MAPKAP1: variants seen among roughly 807,000 people sequenced by gnomAD.
MAPKAP1 encodes MAPK associated protein 1, also known as target of rapamycin complex 2 subunit MAPKAP1.
In MAPKAP1, 20 loss-of-function variants were observed where a neutral mutation model predicts 65.7. The observed-to-expected ratio is 0.30, with a 90% CI of 0.21 to 0.44. The LOEUF (loss-of-function observed/expected upper bound fraction) is 0.44. Ranked by LOEUF, MAPKAP1 falls within the 20% of genes least tolerant of loss-of-function variation. The pLI is 1.00. For synonymous variants in MAPKAP1, 222 were observed against 244.3 expected, an observed-to-expected ratio of 0.91 and a Z score of 0.85; for missense variants, 423 against 648.0, an observed-to-expected ratio of 0.65 and a Z score of 3.77.
intron 1 of MAPKAP1, among the ~76,000 whole-genome samples, chr9:125,698,278 AATATATATAAAT>A (rs1392037123): frequency 2.7e-3 from 72 of 26,592 alleles, no homozygotes; most frequent in South Asian, 8.8e-3. Context: ...TATAATACAT[AATATATATAAAT>A]ATATATATAT....
intron 6 of MAPKAP1, among the ~76,000 whole-genome samples, chr9:125,552,629 T>G (rs1009527932): frequency 6.6e-6 from 1 of 152,182 alleles, no homozygotes; most frequent in South Asian, 2.1e-4. Flanking sequence ...TTATTCCCAC[T>G]GAGAATCCCT....
intron 4 of MAPKAP1, among the ~76,000 whole-genome samples, chr9:125,628,106 T>A (rs1270189273): frequency 6.6e-6 from 1 of 152,142 alleles, no homozygotes; most frequent in Non-Finnish European, 1.5e-5. Context: ...AAAGGACATA[T>A]AAATATATAA....
chr9:125,675,209 T>C (rs1588062509), intron 1 of MAPKAP1, among the ~76,000 whole-genome samples: 1 of 152,186 alleles, frequency 6.6e-6, no homozygotes, highest in Admixed American at 6.5e-5. Flanking sequence ...AAATTCATAC[T>C]GAATAGTTCT....
Position 125,595,804 on chromosome 9 carries a change from G to T in MAPKAP1, c.499-10077C>A. 1 of 1,150,352 alleles carries T rather than the reference G, an allele frequency of 8.7e-7. No homozygotes were observed. Among genetic ancestry groups the T allele is most frequent in the Non-Finnish European group, 1.3e-6 (1 of 773,964 alleles). The allele number at this position is 1,150,352 out of a possible 1,614,324, so 71.3% of individuals were successfully genotyped here. A position where few individuals can be genotyped will look rare whatever the true frequency, so the allele number is the denominator to read the frequency against. Reference sequence around the variant, plus strand: ...GAACGCTCCCAGACTGTGTGGTAATGAAAGATTCCAACACCAAGCGTTCCG... The same window carrying T: ...GAACGCTCCCAGACTGTGTGGTAATTAAAGATTCCAACACCAAGCGTTCCG... On this transcript the variant is annotated intron_variant, in intron 4 of 11. Transcript: ENST00000265960. The surrounding 1 kb of genome is among the most constrained non-coding windows in gnomAD (Gnocchi z 4.0).
intron 1 of MAPKAP1, among the ~76,000 whole-genome samples, chr9:125,673,593 T>C (rs1239809854): frequency 6.6e-6 from 1 of 152,076 alleles, no homozygotes; most frequent in Admixed American, 6.6e-5. Context: ...TTTTAGAAAC[T>C]TAATTATAAA....
Position 125,533,745 on chromosome 9 carries a change from G to C in MAPKAP1, c.958+9314C>G, listed in dbSNP as rs112740917. Among the ~76,000 whole-genome samples the C allele has an allele frequency of 2.7e-3, 418 of 152,232 alleles. 2 individuals are homozygous for C. Among genetic ancestry groups the C allele is most frequent in the African/African-American group, 9.5e-3 (394 of 41,534 alleles). ...ATTACAGGTGTGAGCCACTACGCTC[G>C]GCCAGGCATAAACTTTTTGAAAGGC... On this transcript the variant is annotated intron_variant, in intron 7 of 11. Coordinates refer to ENST00000265960, the MANE Select transcript of MAPKAP1 (RefSeq NM_001006617.3).
intron 6 of MAPKAP1, among the ~76,000 whole-genome samples, chr9:125,554,072 G>A (rs529305781): frequency 2.6e-5 from 4 of 152,238 alleles, no homozygotes; most frequent in Admixed American, 2.0e-4. Context: ...ATAACGTGGC[G>A]AGATTTGGGG....
chr9:125,482,131 T>TAAAAAA (rs1554808939), intron 9 of MAPKAP1, among the ~76,000 whole-genome samples: 2 of 99,092 alleles, frequency 2.0e-5, no homozygotes, highest in African/African-American at 9.2e-5. Flanking sequence ...AAACTCTGTC[T>TAAAAAA]AAAAAAAAAA....
chr9:125,575,161 A>C (rs1447056585), intron 5 of MAPKAP1, among the ~76,000 whole-genome samples: 1 of 152,226 alleles, frequency 6.6e-6, no homozygotes, highest in African/African-American at 2.4e-5. Context: ...AGACCACCCA[A>C]GGCAACAAAG....
rs1834516791 is a variant in MAPKAP1, at chr9:125,672,178, C to T, written c.259+138G>A. 5 of 894,158 alleles carry T rather than the reference C, an allele frequency of 5.6e-6. 1 individual carries two copies. The highest frequency in any genetic ancestry group is 1.7e-5 in the African/African-American group (1 of 59,642). The allele number at this position is 894,158 out of a possible 1,614,324, so 55.4% of individuals were successfully genotyped here. ...GAGATGGAGATGTTGCTCAGACTCA[C>T]TCTTAGTCTGACATATGCATGTTCC... On this transcript the variant is annotated intron_variant, in intron 2 of 11. Coordinates refer to ENST00000265960, the MANE Select transcript of MAPKAP1 (RefSeq NM_001006617.3).
chr9:125,651,734 G>C (rs963981436), intron 4 of MAPKAP1, among the ~76,000 whole-genome samples: 1 of 152,204 alleles, frequency 6.6e-6, no homozygotes, highest in Non-Finnish European at 1.5e-5. Context: ...AAGCCCTGGA[G>C]AACTCTTACT....
chr9:125,439,078 G>C lies in MAPKAP1; in HGVS notation c.1444-66C>G. 1.3e-6 allele frequency: 2 copies of C among 1,583,004 alleles called. No individual in the cohort carries two copies. Among genetic ancestry groups the C allele is most frequent in the Non-Finnish European group, 1.7e-6 (2 of 1,162,974 alleles). Reference sequence around the variant, plus strand: ...CTCCCTACCCACCCAGGGCATCGGAGGGGGTGGCAGGGAAGGCCCTGACCT... The same window carrying C: ...CTCCCTACCCACCCAGGGCATCGGACGGGGTGGCAGGGAAGGCCCTGACCT... On this transcript the variant is annotated intron_variant, in intron 11 of 11. Transcript: ENST00000265960. The surrounding 1 kb of genome is among the most constrained non-coding windows in gnomAD (Gnocchi z 4.0).
At chr9:125,608,485 C>T (rs1246414889) in intron 4 of MAPKAP1, among the ~76,000 whole-genome samples, 2 of 152,206 alleles carry the variant, frequency 1.3e-5, no homozygotes, top group Non-Finnish European at 2.9e-5. Context: ...AAAGCCATCA[C>T]ATTTGCATTT....
intron 1 of MAPKAP1, among the ~76,000 whole-genome samples, chr9:125,699,781 C>G (rs936322763): frequency 4.6e-5 from 7 of 151,958 alleles, no homozygotes; most frequent in Non-Finnish European, 8.8e-5. Context: ...GCCACCATGC[C>G]TGGCTAATAT....
At chr9:125,441,208 G>A (rs532712591) in intron 11 of MAPKAP1, among the ~76,000 whole-genome samples, 5 of 152,268 alleles carry the variant, frequency 3.3e-5, no homozygotes, top group South Asian at 4.1e-4. Flanking sequence ...ACTCAATCAC[G>A]AGAAGAACCT....
At chr9:125,454,329 T>G (rs1266034852) in intron 10 of MAPKAP1, among the ~76,000 whole-genome samples, 4 of 152,222 alleles carry the variant, frequency 2.6e-5, no homozygotes. Flanking sequence ...ATCCGGGAAT[T>G]TCCTCCTTGG....
intron 1 of MAPKAP1, among the ~76,000 whole-genome samples, chr9:125,692,395 A>T (rs1835196315): frequency 1.3e-5 from 2 of 152,242 alleles, no homozygotes; most frequent in African/African-American, 4.8e-5. Context: ...ATTACATTAT[A>T]TCAAAGGCCA....
chr9:125,701,406 C>T lies in MAPKAP1; in HGVS notation c.-70+5565G>A, dbSNP rs149840223. Among the ~76,000 whole-genome samples the T allele has an allele frequency of 5.3e-5, 8 of 152,210 alleles. No individual in the cohort carries two copies. The East Asian group carries it at 1.2e-3, about 22-fold the overall frequency. On this transcript the variant is annotated intron_variant, in intron 1 of 11. Transcript: ENST00000265960. Reference sequence around the variant, plus strand: ...ATTTATCCAAAAAGGAAAAAAGATCCGAGGATTTGTAAGTGACGTGACCAA... The same window carrying T: ...ATTTATCCAAAAAGGAAAAAAGATCTGAGGATTTGTAAGTGACGTGACCAA...
At chr9:125,705,848 G>T (rs1677903044) in intron 1 of MAPKAP1, among the ~76,000 whole-genome samples, 1 of 152,076 alleles carries the variant, frequency 6.6e-6, no homozygotes, top group Non-Finnish European at 1.5e-5. Flanking sequence ...GAATAGGAAA[G>T]AACAAAAATG....
Sources: allele counts gnomAD v4.1 joint callset (sites outside exome capture counted in the v4.1 genomes callset), GRCh38; gene constraint gnomAD v4.1.1; non-coding constraint Gnocchi (gnomAD v3.1); transcripts MANE v1.5; gene names NCBI Gene and HGNC (gene_info 2026-07-23, HGNC 2026-07-21).